Variants in CNKSR2 observed in about 807,000 individuals in gnomAD.
CNKSR2 encodes connector enhancer of kinase suppressor of Ras 2.
A neutral mutation model predicts 84.4 loss-of-function variants in CNKSR2; 14 were observed. That is an observed-to-expected ratio of 0.17 (90% CI 0.11 to 0.26). The LOEUF (loss-of-function observed/expected upper bound fraction) is 0.26. CNKSR2 is among the 10% of genes least tolerant of loss of function. The pLI, the probability that CNKSR2 is intolerant of heterozygous loss-of-function variation, is 1.00. For synonymous variants in CNKSR2, 275 were observed against 277.9 expected (o/e 0.99, Z 0.10); for missense variants, 485 against 771.2 (o/e 0.63, Z 4.40).
chrX:21,622,598 A>G (rs2092606579), intron 20 of CNKSR2, among the ~76,000 whole-genome samples: 1 of 111,878 alleles, frequency 8.9e-6, no homozygotes, highest in Non-Finnish European at 1.9e-5. Context: ...TAGAAGAAAA[A>G]ACAAAAGCAA....
intron 6 of CNKSR2, chrX:21,491,930 A>G (rs973940688): frequency 9.0e-5 from 10 of 111,348 alleles, no homozygotes; most frequent in Non-Finnish European, 1.7e-4. Flanking sequence ...ATGAACTAAT[A>G]CAACATTGTA....
rs1334939487 is a variant in CNKSR2 at position 21,396,558 on chromosome X, C to T, written c.64+21597C>T. On this transcript the variant is annotated intron_variant, in intron 1 of 21. Transcript: ENST00000379510. ...AATGGGCAAATTTGAAGCACAAACTCAAATACAGTTCTTGTGTCCGTTATT... is the reference window on the plus strand; with the variant it reads ...AATGGGCAAATTTGAAGCACAAACTTAAATACAGTTCTTGTGTCCGTTATT... Among the ~76,000 whole-genome samples the T allele has an allele frequency of 3.6e-5, 4 of 110,911 alleles. No homozygotes were observed. In the Admixed American group the frequency reaches 3.8e-4, roughly 11 times the overall value.
rs759512691 is a variant in CNKSR2 at position 21,490,937 on chromosome X, TTTTG to T, written c.681+371_681+374del. 7.8e-5 allele frequency: 9 copies of T among 115,485 alleles called. No individual in the cohort carries two copies. In the East Asian group the frequency reaches 1.9e-3, roughly 24 times the overall value. 9.5% of individuals were successfully genotyped at this position (115,485 alleles called of 1,213,427 possible). A position where few individuals can be genotyped will look rare whatever the true frequency, so the allele number is the denominator to read the frequency against. On this transcript the variant is annotated intron_variant, in intron 6 of 21. Transcript: ENST00000379510. ...TGTTACCTGCTCATGAAAGTTGGTT[TTTTG>T]TTTGTTTGTTTTGTTTGTTTTACTT...
At chrX:21,506,815 C>T (rs778058111) in intron 8 of CNKSR2, 2 of 110,827 alleles carry the variant, frequency 1.8e-5, no homozygotes, top group Admixed American at 9.6e-5. Flanking sequence ...TCAGTGTCAA[C>T]GTGGTTACTA....
At chrX:21,495,136 A>C (rs1156701454) in intron 6 of CNKSR2, 1 of 111,955 alleles carries the variant, frequency 8.9e-6, no homozygotes, top group African/African-American at 3.2e-5. Flanking sequence ...TAAGGTGTAC[A>C]ACTCTCCTAA....
intron 1 of CNKSR2, among the ~76,000 whole-genome samples, chrX:21,415,916 A>G (rs1297816377): frequency 2.8e-5 from 3 of 106,787 alleles, no homozygotes; most frequent in East Asian, 5.8e-4. Flanking sequence ...TTCCTTTCCA[A>G]TTTGGATGCC....
intron 1 of CNKSR2, among the ~76,000 whole-genome samples, chrX:21,409,163 A>T (rs951283521): frequency 7.9e-5 from 8 of 101,121 alleles, no homozygotes; most frequent in African/African-American, 2.9e-4. Flanking sequence ...AAGTAAATCT[A>T]TGGATATGGT....
intron 8 of CNKSR2, among the ~76,000 whole-genome samples, chrX:21,508,800 C>T (rs893478701): frequency 4.5e-5 from 5 of 112,034 alleles, no homozygotes; most frequent in African/African-American, 1.6e-4. Context: ...GGAGATAGTG[C>T]AAGTAACAGG....
At chrX:21,488,697 G>A (rs1204278843) in intron 5 of CNKSR2, among the ~76,000 whole-genome samples, 1 of 111,700 alleles carries the variant, frequency 9.0e-6, no homozygotes, top group African/African-American at 3.3e-5. Flanking sequence ...TAAATAAAAA[G>A]AGAGTTCTTA....
At chrX:21,556,118 G>A (rs1185252702) in intron 11 of CNKSR2, among the ~76,000 whole-genome samples, 9 of 110,294 alleles carry the variant, frequency 8.2e-5, no homozygotes, top group Non-Finnish European at 1.7e-4. Flanking sequence ...AGGAAGGAAA[G>A]GGAAAGAAAC....
intron 1 of CNKSR2, among the ~76,000 whole-genome samples, chrX:21,378,567 A>G (rs1410361371): frequency 9.0e-6 from 1 of 111,357 alleles, no homozygotes; most frequent in Admixed American, 9.6e-5. Context: ...CTGAAATATA[A>G]CAAAAACCCC....
At chrX:21,635,420 A>C (rs182894624) in intron 20 of CNKSR2, among the ~76,000 whole-genome samples, 3,103 of 104,328 alleles carry the variant, frequency 0.03, 116 homozygotes, top group African/African-American at 0.098. Context: ...ATATATACAC[A>C]TATATATGTA....
intron 21 of CNKSR2, among the ~76,000 whole-genome samples, chrX:21,651,621 C>T (rs1476395571): frequency 8.9e-6 from 1 of 111,836 alleles, no homozygotes; most frequent in Admixed American, 9.5e-5. Flanking sequence ...ACTTTCTTAA[C>T]CCCTACTTCT....
intron 4 of CNKSR2, among the ~76,000 whole-genome samples, chrX:21,462,392 T>C: frequency 8.9e-6 from 1 of 112,272 alleles, no homozygotes. Flanking sequence ...ATATCCTGTA[T>C]GTTTGACTAA....
intron 18 of CNKSR2, 94 bp downstream of exon 18, chrX:21,601,443 C>A: frequency 1.8e-6 from 1 of 553,632 alleles, no homozygotes; most frequent in Non-Finnish European, 2.8e-6. Flanking sequence ...AGAGAAAATA[C>A]ATGTCAATTT....
intron 5 of CNKSR2, among the ~76,000 whole-genome samples, chrX:21,472,809 T>A (rs1310028282): frequency 9.0e-6 from 1 of 111,066 alleles, no homozygotes; most frequent in Non-Finnish European, 1.9e-5. Flanking sequence ...ATGAAAGAAA[T>A]ACTGTGGGAT....
intron 1 of CNKSR2, among the ~76,000 whole-genome samples, chrX:21,380,827 A>G (rs2089888592): frequency 8.9e-6 from 1 of 112,188 alleles, no homozygotes; most frequent in South Asian, 3.7e-4. Context: ...TGTGAAGAAT[A>G]AAGTTATTAG....
intron 5 of CNKSR2, among the ~76,000 whole-genome samples, chrX:21,471,723 T>C (rs1370352006): frequency 8.9e-6 from 1 of 111,793 alleles, no homozygotes; most frequent in Non-Finnish European, 1.9e-5. Context: ...TGAATAATCC[T>C]CTGCTAATCC....
chrX:21,500,193 A>G (rs886484519), intron 7 of CNKSR2, among the ~76,000 whole-genome samples: 1 of 110,882 alleles, frequency 9.0e-6, no homozygotes. Flanking sequence ...TAATTGTGTT[A>G]TTACTTCAGT....
Sources: allele counts gnomAD v4.1 joint callset (sites outside exome capture counted in the v4.1 genomes callset), GRCh38; gene constraint gnomAD v4.1.1; transcripts MANE v1.5; gene names NCBI Gene and HGNC (gene_info 2026-07-23, HGNC 2026-07-21).